Variants in YBEY observed in about 807,000 individuals in gnomAD.
The protein encoded by YBEY is ybeY metalloendoribonuclease, also known as endoribonuclease YbeY.
Under a neutral mutation model 13.5 loss-of-function variants are expected in YBEY, and 15 were observed. The ratio of observed to expected loss-of-function variants is 1.11; its 90% confidence interval spans 0.75 to 1.72. The LOEUF is 1.72. Ranked by LOEUF, YBEY falls within the 40% of genes most tolerant of loss-of-function variation. The pLI is 0.00. For synonymous variants in YBEY, 101 were observed against 83.1 expected, an observed-to-expected ratio of 1.21 and a Z score of -1.17; for missense variants, 244 against 208.4, an observed-to-expected ratio of 1.17 and a Z score of -1.05.
At chr21:46,290,687 T>C (rs1212659035) in intron 2 of YBEY, among the ~76,000 whole-genome samples, 1 of 151,668 alleles carries the variant, frequency 6.6e-6, no homozygotes, top group Non-Finnish European at 1.5e-5. Flanking sequence ...GGCAGGCAGA[T>C]CACCTGAGGT....
At chr21:46,295,300 T>A (rs1392832446) in intron 3 of YBEY, among the ~76,000 whole-genome samples, 1 of 151,642 alleles carries the variant, frequency 6.6e-6, no homozygotes, top group Non-Finnish European at 1.5e-5. Flanking sequence ...TCAGCTGCAC[T>A]CTCCATCTAC....
At chr21:46,290,819 G>A (rs1232186348) in intron 2 of YBEY, among the ~76,000 whole-genome samples, 4 of 152,008 alleles carry the variant, frequency 2.6e-5, no homozygotes, top group Admixed American at 6.5e-5. Flanking sequence ...GCCAAGGCGG[G>A]TGGATCACCT....
At chr21:46,286,645 G>T in intron 1 of YBEY, 1 of 280,226 alleles carries the variant, frequency 3.6e-6, no homozygotes, top group East Asian at 6.8e-5. Context: ...CTTTTCTCTG[G>T]GAACCGCTCC....
chr21:46,300,863 G>T, downstream of YBEY: 1 of 1,105,092 alleles, frequency 9.0e-7, no homozygotes, highest in East Asian at 6.1e-5. Context: ...AAAGAGCAAA[G>T]AAACATAATT....
At chr21:46,299,182 G>A (rs1569108192), downstream of YBEY, among the ~76,000 whole-genome samples, 1 of 151,916 alleles carries the variant, frequency 6.6e-6, no homozygotes, top group African/African-American at 2.4e-5. Context: ...TGGCCGGGCA[G>A]GTCTCAAATT....
chr21:46,293,767 CCCG>C (rs2081837520), intron 3 of YBEY, among the ~76,000 whole-genome samples: 1 of 6,918 alleles, frequency 1.4e-4, no homozygotes, highest in Non-Finnish European at 2.7e-4. Context: ...TTAAATTCCT[CCCG>C]CGGTTAGCCT....
intron 1 of YBEY, chr21:46,286,667 C>G: frequency 2.8e-6 from 1 of 356,752 alleles, no homozygotes; most frequent in Non-Finnish European, 5.0e-6. Context: ...TCCGCTCCGC[C>G]CGCCTGGAGT....
At chr21:46,308,562 T>C in the YBEY span, among the ~76,000 whole-genome samples, 1 of 152,176 alleles carries the variant, frequency 6.6e-6, no homozygotes, top group South Asian at 2.1e-4. Flanking sequence ...GAGGCAGGAA[T>C]GTCCACGACA....
the YBEY span, among the ~76,000 whole-genome samples, chr21:46,305,077 CAGAT>C: frequency 6.6e-6 from 1 of 152,110 alleles, no homozygotes; most frequent in African/African-American, 2.4e-5. Context: ...CACACAAAGA[CAGAT>C]ACTGTACGGC....
chr21:46,306,802 G>A, the YBEY span, among the ~76,000 whole-genome samples: 1 of 152,116 alleles, frequency 6.6e-6, no homozygotes, highest in African/African-American at 2.4e-5. Flanking sequence ...TGCCCAGGCT[G>A]GTCTGGAACT....
downstream of YBEY, among the ~76,000 whole-genome samples, chr21:46,298,434 C>CTTTTTTTTCTTTTTTTTTTTT (rs2082019180): frequency 1.0e-5 from 1 of 97,160 alleles, no homozygotes; most frequent in Non-Finnish European, 2.1e-5. Context: ...TTAATCCAAG[C>CTTTTTTTTCTTTTTTTTTTTT]TTTTTTTTTT....
At chr21:46,305,332 T>C in the YBEY span, among the ~76,000 whole-genome samples, 2 of 147,324 alleles carry the variant, frequency 1.4e-5, no homozygotes, top group African/African-American at 2.5e-5. Flanking sequence ...TTAATCTTTT[T>C]TTTTTTTTTT....
the YBEY span, among the ~76,000 whole-genome samples, chr21:46,311,962 CCCACCCACCCACCCATCCAT>C: frequency 3.6e-5 from 2 of 55,812 alleles, no homozygotes; most frequent in Non-Finnish European, 7.1e-5. Context: ...CATCCATCCA[CCCACCCACCCACCCATCCAT>C]CCACCCATCC....
At chr21:46,298,434 C>CTTTTTTTTTTTTTTTTTTTTTTTTT (rs557264546), downstream of YBEY, among the ~76,000 whole-genome samples, 174 of 97,126 alleles carry the variant, frequency 1.8e-3, 41 homozygotes, top group African/African-American at 2.5e-3. Context: ...TTAATCCAAG[C>CTTTTTTTTTTTTTTTTTTTTTTTTT]TTTTTTTTTT....
At chr21:46,291,748 G>T in intron 3 of YBEY, 1 of 1,141,524 alleles carries the variant, frequency 8.8e-7, no homozygotes, top group Non-Finnish European at 1.1e-6. Flanking sequence ...AGCTAACACA[G>T]ACCTGCTGAA....
chr21:46,287,425 A>ACTC (rs34528531), intron 2 of YBEY, among the ~76,000 whole-genome samples: 61,701 of 151,204 alleles, frequency 0.41, 13,138 homozygotes, highest in Admixed American at 0.48. Context: ...CTGCTCCTGA[A>ACTC]CTGATCTCAG....
chr21:46,302,056 A>G, downstream of YBEY: 1 of 1,535,292 alleles, frequency 6.5e-7, no homozygotes, highest in Non-Finnish European at 8.8e-7. Flanking sequence ...TGGCAGCCCC[A>G]GGTGGCCACA....
At chr21:46,296,272 G>A (rs755360707) in intron 4 of YBEY, 42 bp downstream of exon 4, 2 of 1,609,796 alleles carry the variant, frequency 1.2e-6, no homozygotes, top group Non-Finnish European at 1.7e-6. Flanking sequence ...GGTGCGTGGG[G>A]GAAGGAGGCT....
intron 3 of YBEY, among the ~76,000 whole-genome samples, chr21:46,294,414 A>G (rs374495087): frequency 8.9e-3 from 370 of 41,740 alleles, no homozygotes; most frequent in Middle Eastern, 0.016. Context: ...ACACAAGTTA[A>G]ACTCTAGATT....
Sources: gnomAD v4.1 joint callset for allele counts (sites outside exome capture counted in the v4.1 genomes callset) on GRCh38, gnomAD v4.1.1 for gene constraint, MANE v1.5 for transcripts, NCBI Gene and HGNC (gene_info 2026-07-23, HGNC 2026-07-21) for gene names.